CDH19: variants seen among roughly 807,000 people sequenced by gnomAD.
The protein encoded by CDH19 is cadherin 19.
In CDH19, 67 loss-of-function variants were observed where a neutral mutation model predicts 64.2. That is an observed-to-expected ratio of 1.04 (90% CI 0.86 to 1.28). The LOEUF is 1.28. Ranked by LOEUF, CDH19 falls within the 50% of genes most tolerant of loss-of-function variation. The pLI is 0.00. For missense variants in CDH19, 1,030 were observed against 929.0 expected, an observed-to-expected ratio of 1.11 and a Z score of -1.41; for synonymous variants, 346 against 319.3, an observed-to-expected ratio of 1.08 and a Z score of -0.89.
intron 1 of CDH19, among the ~76,000 whole-genome samples, chr18:66,582,627 A>G (rs1313862451): frequency 7.6e-6 from 1 of 130,818 alleles, no homozygotes; most frequent in Non-Finnish European, 1.5e-5. Flanking sequence ...TAATTTGCAT[A>G]CTTACTGTCA....
At position 66,568,727 on chromosome 18, in the gene CDH19, G is replaced by C. The variant is rs776396787; in HGVS notation, c.196-17C>G. 1 of 1,553,502 alleles carries C rather than the reference G, an allele frequency of 6.4e-7. No individual in the cohort carries two copies. Among genetic ancestry groups the C allele is most frequent in the East Asian group, 2.3e-5 (1 of 43,794 alleles). On this transcript the variant is annotated splice_polypyrimidine_tract_variant and intron_variant, in intron 2 of 11. Transcript: ENST00000262150. ...AGATCTTAGCTGCAAATGGAAAGAG[G>C]GATCATTTAGTTTCCAAACATCTGA... is the stretch of plus-strand genomic sequence containing the variant.
At position 66,521,121 on chromosome 18, in the gene CDH19, T is replaced by C. The variant is rs537911494; in HGVS notation, c.1458+8724A>G. Reference sequence around the variant, plus strand: ...GTAATTCATCAAACCAATCTATGAATCAGTTTACTAAAAATGTTCACTTCC... The same window carrying C: ...GTAATTCATCAAACCAATCTATGAACCAGTTTACTAAAAATGTTCACTTCC... On this transcript the variant is annotated intron_variant, in intron 9 of 11. Transcript: ENST00000262150. Among the ~76,000 whole-genome samples the C allele has an allele frequency of 2.6e-5, 4 of 152,210 alleles. No individual in the cohort carries two copies. In the South Asian group the frequency reaches 8.3e-4, roughly 32 times the overall value.
In CDH19 at chr18:66,554,468, T is replaced by C; in HGVS notation, c.547A>G (p.Asn183Asp). Residue 183 changes from asparagine to aspartate, a missense_variant, in exon 4 of 12, where the codon AAT becomes GAT. By Grantham distance (23) the Asn-to-Asp change is conservative (BLOSUM62 1). Transcript: ENST00000262150. ...AGTAAGCTGTAGAGGAGACGAGCAT[T>C]ATTACCACTTGAGGGATCGTCAGCA... ...SDADDPSSGN[N>D]ARLLYSLLQG... The C allele has an allele frequency of 6.2e-7, 1 of 1,611,432 alleles. No homozygotes were observed. Among genetic ancestry groups the C allele is most frequent in the Non-Finnish European group, 8.5e-7 (1 of 1,178,066 alleles).
intron 1 of CDH19, among the ~76,000 whole-genome samples, chr18:66,587,678 T>C (rs1169355737): frequency 6.6e-6 from 1 of 152,136 alleles, no homozygotes; most frequent in East Asian, 1.9e-4. Context: ...TATTGCTTCC[T>C]AGTTTGGCAA....
chr18:66,524,486 C>T, intron 9 of CDH19, among the ~76,000 whole-genome samples: 1 of 146,188 alleles, frequency 6.8e-6, no homozygotes, highest in Non-Finnish European at 1.5e-5. Context: ...GTAGGTAATG[C>T]ATATGTTAAT....
chr18:66,594,567 C>A (rs1273126286), intron 1 of CDH19, among the ~76,000 whole-genome samples: 2 of 151,938 alleles, frequency 1.3e-5, no homozygotes, highest in African/African-American at 4.8e-5. Flanking sequence ...GAATCACAGT[C>A]TTGGAACACA....
At position 66,535,125 on chromosome 18, in the gene CDH19, T is replaced by C. The variant is rs757876239; in HGVS notation, c.1215-18A>G. 35 of 1,389,626 alleles carry C rather than the reference T, an allele frequency of 2.5e-5. No individual in the cohort carries two copies. In the East Asian group the frequency reaches 8.5e-4, roughly 34 times the overall value. The allele number at this position is 1,389,626 out of a possible 1,614,324, so 86.1% of individuals were successfully genotyped here. ...TAGAATACCTGAACCAAAAGGAAAG[T>C]ATACCTTAATATTTTTATTCTATCT... is the stretch of plus-strand genomic sequence containing the variant. On this transcript the variant is annotated intron_variant, in intron 7 of 11. Transcript: ENST00000262150.
Position 66,511,548 on chromosome 18 carries a change from T to A in CDH19, c.1576+20A>T, listed in dbSNP as rs769215258. 41 of 1,010,980 alleles carry A rather than the reference T, an allele frequency of 4.1e-5. No individual in the cohort carries two copies. Among genetic ancestry groups the A allele is most frequent in the Non-Finnish European group, 6.2e-5 (40 of 641,910 alleles). The allele number at this position is 1,010,980 out of a possible 1,614,324, so 62.6% of individuals were successfully genotyped here. ...AGTCACAAAAATGTATCAAAACTCA[T>A]TATGAGTGAATGACATTACCTTGAT... On this transcript the variant is annotated intron_variant, in intron 10 of 11. Transcript: ENST00000262150.
intron 4 of CDH19, among the ~76,000 whole-genome samples, chr18:66,552,242 T>C (rs1987370307): frequency 6.6e-6 from 1 of 151,868 alleles, no homozygotes; most frequent in Non-Finnish European, 1.5e-5. Flanking sequence ...ACAATAAACT[T>C]GTGAAAAAAA....
chr18:66,513,671 A>C (rs1160318693), intron 9 of CDH19, among the ~76,000 whole-genome samples: 3 of 151,408 alleles, frequency 2.0e-5, no homozygotes, highest in Non-Finnish European at 4.4e-5. Flanking sequence ...TATATGTTGT[A>C]TTGGTTGCTA....
intron 1 of CDH19, among the ~76,000 whole-genome samples, chr18:66,582,118 A>G (rs1004434828): frequency 1.3e-5 from 2 of 152,154 alleles, no homozygotes; most frequent in Admixed American, 6.5e-5. Context: ...TACATTGAAT[A>G]AAGATCTATA....
chr18:66,540,964 A>T (rs914947695), intron 7 of CDH19, among the ~76,000 whole-genome samples: 1 of 152,160 alleles, frequency 6.6e-6, no homozygotes, highest in South Asian at 2.1e-4. Flanking sequence ...TTTTTACCAT[A>T]CAAGGCTCCT....
chr18:66,569,905 A>ACAC (rs1176562214), intron 2 of CDH19, among the ~76,000 whole-genome samples: 1 of 151,692 alleles, frequency 6.6e-6, no homozygotes, highest in Non-Finnish European at 1.5e-5. Context: ...TACTGGATAA[A>ACAC]TTAATACACT....
intron 1 of CDH19, among the ~76,000 whole-genome samples, chr18:66,576,341 A>T (rs1419579611): frequency 2.6e-5 from 4 of 151,486 alleles, no homozygotes; most frequent in Non-Finnish European, 5.9e-5. Context: ...AGAATGAAAA[A>T]CATATATCTT....
At chr18:66,509,569 C>A (rs957811415) in intron 10 of CDH19, among the ~76,000 whole-genome samples, 1 of 151,428 alleles carries the variant, frequency 6.6e-6, no homozygotes, top group African/African-American at 2.4e-5. Flanking sequence ...TAAATTGGTT[C>A]CAAAATGTCT....
chr18:66,517,084 T>A (rs552046466), intron 9 of CDH19, among the ~76,000 whole-genome samples: 2 of 152,080 alleles, frequency 1.3e-5, no homozygotes, highest in Non-Finnish European at 2.9e-5. Context: ...TTTCTCAGGT[T>A]AGTCAGACAC....
chr18:66,568,601 A>G lies in CDH19; in HGVS notation c.305T>C (p.Ile102Thr), dbSNP rs1288826427. ...TCGCTCCTCTCTATCAAGCTTCTGT[A>G]TGGCATATATGTCACCTGTTCTTTC... Reference protein sequence around the residue: ...IDERTGDIYAIQKLDREERSL... With the variant: ...IDERTGDIYATQKLDREERSL... The change falls in exon 3 of 12, where the codon ATA (isoleucine) becomes ACA (threonine). Residue 102 changes from isoleucine to threonine, a missense_variant. Transcript: ENST00000262150. 1.2e-6 allele frequency: 2 copies of G among 1,611,990 alleles called. No individual in the cohort carries two copies. Among genetic ancestry groups the G allele is most frequent in the Non-Finnish European group, 1.7e-6 (2 of 1,178,800 alleles).
chr18:66,505,107 C>G lies in CDH19; in HGVS notation c.2024G>C (p.Ser675Thr), dbSNP rs1444813749. ...MRERKTRKTT[S>T]AEIRSLYRQS... ...CCTGTATAGGCTCCTGATCTCAGCG[C>G]TTGTGGTTTTCCGAGTCTTGCGTTC... Residue 675 changes from serine to threonine, a missense_variant, in exon 12 of 12, where the codon AGC (serine) becomes ACC (threonine). Ser to Thr is a moderately conservative substitution (Grantham distance 58, BLOSUM62 1). Transcript: ENST00000262150. The G allele has an allele frequency of 1.2e-6, 2 of 1,613,556 alleles. No individual in the cohort carries two copies. The highest frequency in any genetic ancestry group is 2.2e-5 in the South Asian group (2 of 91,070).
At chr18:66,590,615 A>C (rs1175908019) in intron 1 of CDH19, among the ~76,000 whole-genome samples, 1 of 151,854 alleles carries the variant, frequency 6.6e-6, no homozygotes, top group Non-Finnish European at 1.5e-5. Context: ...TTATTCTCCT[A>C]TCAGAAAGAA....
Sources: allele counts gnomAD v4.1 joint callset (sites outside exome capture counted in the v4.1 genomes callset), GRCh38; gene constraint gnomAD v4.1.1; transcripts MANE v1.5; gene names NCBI Gene and HGNC (gene_info 2026-07-23, HGNC 2026-07-21).